The following DNASE1L3 variants were observed in gnomAD, a reference collection of about 807,000 sequenced individuals.
The protein encoded by DNASE1L3 is deoxyribonuclease gamma.
In DNASE1L3, 27 loss-of-function variants were observed where a neutral mutation model predicts 30.9. The observed-to-expected ratio is 0.87, with a 90% CI of 0.64 to 1.20. The LOEUF (loss-of-function observed/expected upper bound fraction) is 1.20. Ranked by LOEUF, DNASE1L3 falls within the 50% of genes most tolerant of loss-of-function variation. The pLI is 0.00. For synonymous variants in DNASE1L3, 135 were observed against 138.0 expected (o/e 0.98, Z 0.15); for missense variants, 364 against 378.2 (o/e 0.96, Z 0.31).
At chr3:58,206,075 A>AT (rs778061886) in intron 2 of DNASE1L3, among the ~76,000 whole-genome samples, 16 of 152,156 alleles carry the variant, frequency 1.1e-4, no homozygotes, top group Non-Finnish European at 2.2e-4. Context: ...GCCATCAGGC[A>AT]TTTTTTTACA....
intron 6 of DNASE1L3, 114 bp from the exon 7 acceptor site, chr3:58,193,553 G>A (rs2097395450): frequency 5.8e-6 from 5 of 857,376 alleles, no homozygotes; most frequent in Non-Finnish European, 9.1e-6. Context: ...CCTTTCATGT[G>A]GCGCTCAAAG....
chr3:58,201,842 A>T (rs2097400744), intron 4 of DNASE1L3, among the ~76,000 whole-genome samples: 1 of 152,368 alleles, frequency 6.6e-6, no homozygotes, highest in East Asian at 1.9e-4. Flanking sequence ...CCATTGTTCC[A>T]TCTGCAAGGA....
At chr3:58,198,364 A>G (rs751841217) in intron 5 of DNASE1L3, among the ~76,000 whole-genome samples, 8 of 152,178 alleles carry the variant, frequency 5.3e-5, no homozygotes, top group Non-Finnish European at 1.0e-4. Context: ...AGGCCCCCAA[A>G]AGACACCAGC....
In DNASE1L3 at chr3:58,200,220, T is replaced by C. The variant is rs1272436405; in HGVS notation, c.546+777A>G. On this transcript the variant is annotated intron_variant, in intron 5 of 7. Transcript: ENST00000394549. The surrounding 1 kb of genome is among the most constrained non-coding windows in gnomAD (Gnocchi z 4.2). ...AACTGAGTTTGGGGTGGAGCTGGGGTGGACACAGATTTAGTCAATCAGAGT... is the reference window on the plus strand; with the variant it reads ...AACTGAGTTTGGGGTGGAGCTGGGGCGGACACAGATTTAGTCAATCAGAGT... Among the ~76,000 whole-genome samples the C allele has an allele frequency of 6.6e-6, 1 of 152,098 alleles. No individual in the cohort carries two copies. The highest frequency in any genetic ancestry group is 1.5e-5 in the Non-Finnish European group (1 of 68,014).
chr3:58,208,296 C>A lies in DNASE1L3; in HGVS notation c.152G>T (p.Arg51Leu), dbSNP rs372315713. ...AMDVIVKVIK[R>L]CDIILVMEIK... The stretch of plus-strand genomic sequence containing the variant: ...TTCCATCACGAGTATGATGTCACAG[C>A]GTTTGATGACCTGCAAGAAAGAGAA... The change falls in exon 2 of 8, where the codon CGC becomes CTC. Residue 51 changes from arginine to leucine, a missense_variant. Physicochemically the swap from Arg to Leu is moderately radical, Grantham distance 102. Transcript: ENST00000394549. 2 of 1,614,150 alleles carry A rather than the reference C, an allele frequency of 1.2e-6. No homozygotes were observed. Among genetic ancestry groups the A allele is most frequent in the Non-Finnish European group, 8.5e-7 (1 of 1,180,014 alleles).
intron 1 of DNASE1L3, 67 bp downstream of exon 1, chr3:58,210,699 A>G: frequency 6.2e-7 from 1 of 1,607,874 alleles, no homozygotes; most frequent in East Asian, 2.2e-5. Flanking sequence ...TGAGTCTCTT[A>G]AAGTCTGCAG....
chr3:58,192,789 G>T lies in DNASE1L3; in HGVS notation c.816C>A (p.Ser272Arg). 1.2e-6 allele frequency: 2 copies of T among 1,613,848 alleles called. No individual in the cohort carries two copies. Among genetic ancestry groups the T allele is most frequent in the Non-Finnish European group, 1.7e-6 (2 of 1,179,914 alleles). Residue 272 changes from serine to arginine, a missense_variant, in exon 8 of 8, where the codon AGC (serine) becomes AGA (arginine). Transcript: ENST00000394549. This position sits in a 1 kb window ranked among gnomAD's most constrained non-coding sequence, Gnocchi z 4.8. Reference sequence around the variant, plus strand: ...GTTTAAATTCAACTGGAAAGTGGTCGCTGACATCCAGGGCCTATAAGGAGA... The same window carrying T: ...GTTTAAATTCAACTGGAAAGTGGTCTCTGACATCCAGGGCCTATAAGGAGA... ...KLTEEEALDV[S>R]DHFPVEFKLQ...
At chr3:58,209,435 G>A (rs1421312108) in intron 1 of DNASE1L3, among the ~76,000 whole-genome samples, 3 of 152,220 alleles carry the variant, frequency 2.0e-5, no homozygotes, top group Non-Finnish European at 4.4e-5. Context: ...TGCCTTGCAT[G>A]TCAGGGTTTC....
chr3:58,204,931 C>A, intron 3 of DNASE1L3, 50 bp from the exon 4 acceptor site: 1 of 1,558,478 alleles, frequency 6.4e-7, no homozygotes, highest in Non-Finnish European at 8.8e-7. Context: ...CCTTTTCTTA[C>A]TACTTTCATG....
chr3:58,192,635 G>A lies in DNASE1L3; in HGVS notation c.*52C>T, dbSNP rs760130295. On this transcript the variant is annotated 3_prime_UTR_variant, in exon 8 of 8. Transcript: ENST00000394549. The surrounding 1 kb of genome is among the most constrained non-coding windows in gnomAD (Gnocchi z 4.8). The stretch of plus-strand genomic sequence containing the variant: ...TACAGGGAGCAGTTCATATCTGTTA[G>A]AGACATTTTATTTAGAGGCAAGAAA... 1.5e-5 allele frequency: 24 copies of A among 1,555,290 alleles called. No individual in the cohort carries two copies. The highest frequency in any genetic ancestry group is 2.1e-5 in the Non-Finnish European group (24 of 1,137,874).
At chr3:58,199,533 G>A (rs1327135259) in intron 5 of DNASE1L3, among the ~76,000 whole-genome samples, 7 of 152,184 alleles carry the variant, frequency 4.6e-5, no homozygotes, top group Non-Finnish European at 5.9e-5. Context: ...AGCCAGGCGT[G>A]GTGGCACATG....
chr3:58,203,122 T>G (rs1159341836), intron 4 of DNASE1L3, among the ~76,000 whole-genome samples: 8 of 152,216 alleles, frequency 5.3e-5, no homozygotes, highest in African/African-American at 1.7e-4. Context: ...GGATTCCCAC[T>G]CTTACCTCAA....
chr3:58,200,123 A>G lies in DNASE1L3; in HGVS notation c.546+874T>C, dbSNP rs1050362288. Among the ~76,000 whole-genome samples, 3 of 152,172 alleles carry G rather than the reference A, an allele frequency of 2.0e-5. No individual in the cohort carries two copies. The highest frequency in any genetic ancestry group is 3.2e-3 in the Middle Eastern group (1 of 316). The stretch of plus-strand genomic sequence containing the variant: ...AAGAACTGAGCCTATAGGGATGGCA[A>G]ATATGTGCCCCCTTCTGTGAAAACA... On this transcript the variant is annotated intron_variant, in intron 5 of 7. Transcript: ENST00000394549. This position sits in a 1 kb window ranked among gnomAD's most constrained non-coding sequence, Gnocchi z 4.2.
intron 1 of DNASE1L3, among the ~76,000 whole-genome samples, chr3:58,209,573 G>A (rs899366585): frequency 1.6e-4 from 24 of 152,312 alleles, no homozygotes; most frequent in African/African-American, 5.5e-4. Context: ...CTCGTCCAAG[G>A]AAGAACAGAG....
Position 58,197,671 on chromosome 3 carries a change from T to G in DNASE1L3, c.704+150A>C. The G allele has an allele frequency of 9.4e-7, 1 of 1,063,030 alleles. No individual in the cohort carries two copies. The allele number at this position is 1,063,030 out of a possible 1,614,324, so 65.8% of individuals were successfully genotyped here. On this transcript the variant is annotated intron_variant, in intron 6 of 7. Transcript: ENST00000394549. The surrounding 1 kb of genome is among the most constrained non-coding windows in gnomAD (Gnocchi z 5.3). ...TTTCATCATGTTGCCCAGGCTGGTCTCAAACTCCTGTACTCAAGCGATCCA... is the reference window on the plus strand; with the variant it reads ...TTTCATCATGTTGCCCAGGCTGGTCGCAAACTCCTGTACTCAAGCGATCCA...
intron 4 of DNASE1L3, 30 bp from the exon 5 acceptor site, chr3:58,201,139 A>C (rs765255476): frequency 6.4e-7 from 1 of 1,570,336 alleles, no homozygotes; most frequent in South Asian, 1.1e-5. Flanking sequence ...CGGGGGTCAC[A>C]CACTTCCCCT....
intron 6 of DNASE1L3, among the ~76,000 whole-genome samples, chr3:58,196,446 G>A (rs571614822): frequency 3.3e-5 from 5 of 151,190 alleles, no homozygotes; most frequent in African/African-American, 9.7e-5. Flanking sequence ...CCAGCTACTC[G>A]GGAGGCTGAG....
intron 7 of DNASE1L3, 68 bp downstream of exon 7, chr3:58,193,275 C>T (rs1004579985): frequency 2.5e-6 from 4 of 1,571,174 alleles, no homozygotes; most frequent in Non-Finnish European, 3.5e-6. Context: ...GATGGAGTCT[C>T]ATCATGTTGC....
intron 3 of DNASE1L3, among the ~76,000 whole-genome samples, 176 bp from the exon 4 acceptor site, chr3:58,205,057 C>T (rs1036703425): frequency 1.3e-5 from 2 of 152,142 alleles, no homozygotes; most frequent in African/African-American, 2.4e-5. Context: ...GGAGCTGTTG[C>T]GAATCTGGGA....
Sources: allele counts gnomAD v4.1 joint callset (sites outside exome capture counted in the v4.1 genomes callset), GRCh38; gene constraint gnomAD v4.1.1; non-coding constraint Gnocchi (gnomAD v3.1); transcripts MANE v1.5; gene names NCBI Gene and HGNC (gene_info 2026-07-23, HGNC 2026-07-21).